KLHL36: variants seen among roughly 807,000 people sequenced by gnomAD.
The protein encoded by KLHL36 is kelch like family member 36.
KLHL36 carries 35 observed loss-of-function variants against 53.3 expected under a neutral mutation model. That is an observed-to-expected ratio of 0.66 (90% confidence interval 0.50 to 0.87). The LOEUF (loss-of-function observed/expected upper bound fraction) is 0.87, where lower values mean the gene tolerates loss of function less well. KLHL36 is among the 40% of genes least tolerant of loss of function. KLHL36 has a pLI of 0.00. For synonymous variants in KLHL36, 472 were observed against 398.9 expected, an observed-to-expected ratio of 1.18 and a Z score of -2.18; for missense variants, 864 against 897.6, an observed-to-expected ratio of 0.96 and a Z score of 0.48.
chr16:84,658,060 G>C (rs112348404), intron 3 of KLHL36, 116 bp downstream of exon 3: 1 of 800,884 alleles, frequency 1.2e-6, no homozygotes, highest in African/African-American at 1.7e-5. Context: ...TTCTGAATGA[G>C]GTGTGATGAT....
rs143104842 is a variant in KLHL36 at position 84,659,455 on chromosome 16, A to C, written c.1138-305A>C. 9.4e-5 allele frequency: 31 copies of C among 329,454 alleles called. No homozygotes were observed. The East Asian group carries it at 1.8e-3, about 20-fold the overall frequency. 20.4% of individuals were successfully genotyped at this position (329,454 alleles called of 1,614,324 possible). ...ATCAGCAATTCTGACCCCTGTGACCACAGAGTTCCCATCCACGCGGCTAAC... is the reference window on the plus strand; with the variant it reads ...ATCAGCAATTCTGACCCCTGTGACCCCAGAGTTCCCATCCACGCGGCTAAC... On this transcript the variant is annotated intron_variant, in intron 3 of 4. Transcript: ENST00000564996.
intron 2 of KLHL36, among the ~76,000 whole-genome samples, chr16:84,652,511 C>CG (rs957138515): frequency 4.6e-5 from 7 of 152,104 alleles, no homozygotes; most frequent in African/African-American, 1.7e-4. Context: ...CCTCGTGACC[C>CG]GCCAGCCTTG....
intron 4 of KLHL36, among the ~76,000 whole-genome samples, chr16:84,660,639 TGA>T (rs1034525258): frequency 3.9e-5 from 6 of 152,150 alleles, no homozygotes; most frequent in Non-Finnish European, 2.9e-5. Flanking sequence ...TTTGTTTTTC[TGA>T]GAGAGAGTCT....
chr16:84,650,742 T>C (rs1009868128), intron 1 of KLHL36, 110 bp from the exon 2 acceptor site: 10 of 751,584 alleles, frequency 1.3e-5, no homozygotes, highest in Non-Finnish European at 2.3e-5. Flanking sequence ...TCCCTCCTTC[T>C]TCCGTGTGAC....
rs572400792 is a variant in KLHL36, at chr16:84,656,622, G to T, written c.64-249G>T. Among the ~76,000 whole-genome samples the T allele has an allele frequency of 1.4e-4, 14 of 102,024 alleles. 1 individual carries two copies. In the East Asian group the frequency reaches 3.9e-3, roughly 29 times the overall value. The allele number at this position is 102,024 out of a possible 152,430, so 66.9% of individuals were successfully genotyped here. A position where few individuals can be genotyped will look rare whatever the true frequency, so the allele number is the denominator to read the frequency against. ...ACTCCAGCCTGGGCGACAGAGCAAG[G>T]CTCTGTGTCAAAAAAAAAAAAAGAA... On this transcript the variant is annotated intron_variant, in intron 2 of 4. Transcript: ENST00000564996.
chr16:84,649,814 A>G (rs925890779), intron 1 of KLHL36, among the ~76,000 whole-genome samples: 11 of 152,198 alleles, frequency 7.2e-5, no homozygotes, highest in African/African-American at 1.7e-4. Context: ...TATTTGTTCA[A>G]TAGGTAACAA....
chr16:84,656,796 C>A, intron 2 of KLHL36, 75 bp from the exon 3 acceptor site: 1 of 997,362 alleles, frequency 1.0e-6, no homozygotes, highest in Non-Finnish European at 1.5e-6. Flanking sequence ...GTTGAAAATG[C>A]TGGTCAGGAC....
chr16:84,662,237 G>GTA lies in KLHL36; in HGVS notation c.*104_*105insTA, dbSNP rs1567562720. 2 of 1,048,694 alleles carry GTA rather than the reference G, an allele frequency of 1.9e-6. No individual in the cohort carries two copies. Among genetic ancestry groups the GTA allele is most frequent in the African/African-American group, 3.2e-5 (2 of 62,290 alleles). 65.0% of individuals were successfully genotyped at this position (1,048,694 alleles called of 1,614,324 possible). A position where few individuals can be genotyped will look rare whatever the true frequency, so the allele number is the denominator to read the frequency against. ...CGGAAACATTATGTACAACTTAGCA[G>GTA]CTTTTTTTACTTTTATGATTCTTGG... is the stretch of plus-strand genomic sequence containing the variant. On this transcript the variant is annotated 3_prime_UTR_variant, in exon 5 of 5. Coordinates refer to ENST00000564996, the MANE Select transcript of KLHL36 (RefSeq NM_024731.4).
chr16:84,654,004 C>G (rs983793548), intron 2 of KLHL36, among the ~76,000 whole-genome samples: 1 of 152,212 alleles, frequency 6.6e-6, no homozygotes, highest in Admixed American at 6.5e-5. Context: ...CAACACTGCT[C>G]TTGCCCCCTG....
Position 84,659,778 on chromosome 16 carries a change from C to T in KLHL36, c.1156C>T (p.Arg386Cys), listed in dbSNP as rs1469217018. 28 of 1,613,982 alleles carry T rather than the reference C, an allele frequency of 1.7e-5. No homozygotes were observed. The highest frequency in any genetic ancestry group is 1.9e-5 in the Non-Finnish European group (22 of 1,180,012). Reference protein sequence around the residue: ...QWIKVASMNQRRVDFYLASIE... With the variant: ...QWIKVASMNQCRVDFYLASIE... ...TCCACAGGTGGCCTCCATGAACCAG[C>T]GCCGTGTGGATTTCTACCTTGCCTC... Residue 386 changes from arginine to cysteine, a missense_variant, in exon 4 of 5, where the codon CGC becomes TGC. Arg to Cys is a radical substitution (Grantham distance 180). Coordinates refer to ENST00000564996, the MANE Select transcript of KLHL36 (RefSeq NM_024731.4).
At position 84,665,254 on chromosome 16, in the gene KLHL36, T is replaced by A. The variant is rs1907775655; in HGVS notation, c.*3121T>A. 6.6e-6 allele frequency: 1 copy of A among 151,984 alleles called. No homozygotes were observed. Among genetic ancestry groups the A allele is most frequent in the South Asian group, 2.1e-4 (1 of 4,820 alleles). 9.4% of individuals were successfully genotyped at this position (151,984 alleles called of 1,614,324 possible). A position where few individuals can be genotyped will look rare whatever the true frequency, so the allele number is the denominator to read the frequency against. On this transcript the variant is annotated 3_prime_UTR_variant, in exon 5 of 5. Transcript: ENST00000564996. ...ATTTTGAAGACACCTGGATCTTTTT[T>A]TTTTTTTAACATTTCAAAATAAGCA... is the stretch of plus-strand genomic sequence containing the variant.
Position 84,665,641 on chromosome 16 carries a change from GACTTCATGGAGACCCAGAA to G in KLHL36, c.*3512_*3530del. ...TGAGTGCCCTCACTCATGATAAGGT[GACTTCATGGAGACCCAGAA>G]ACTCACCCTAAGGGGTGTTCACCTT... On this transcript the variant is annotated 3_prime_UTR_variant, in exon 5 of 5. Transcript: ENST00000564996. 6.6e-6 allele frequency: 1 copy of G among 152,336 alleles called. No homozygotes were observed. The highest frequency in any genetic ancestry group is 2.4e-5 in the African/African-American group (1 of 41,576). The allele number at this position is 152,336 out of a possible 1,614,324, so 9.4% of individuals were successfully genotyped here.
Position 84,657,696 on chromosome 16 carries a change from C to T in KLHL36, c.889C>T (p.Leu297=), listed in dbSNP as rs1228384622. ...GGCGCTGCGCACCAACCAGGAGCGCCTGCTGTTTGTGGGCGGCGAGGTCTC... is the reference window on the plus strand; with the variant it reads ...GGCGCTGCGCACCAACCAGGAGCGCTTGCTGTTTGTGGGCGGCGAGGTCTC... ...RTALRTNQER[L]LFVGGEVSER... Residue 297 remains leucine (L), a synonymous_variant, in exon 3 of 5, where the codon CTG becomes TTG. Transcript: ENST00000564996. 7 of 1,612,772 alleles carry T rather than the reference C, an allele frequency of 4.3e-6. No homozygotes were observed. Among genetic ancestry groups the T allele is most frequent in the Non-Finnish European group, 5.9e-6 (7 of 1,179,826 alleles).
chr16:84,659,479 A>C, intron 3 of KLHL36: 1 of 376,246 alleles, frequency 2.7e-6, no homozygotes, highest in Non-Finnish European at 4.9e-6. Context: ...CACGCGGCTA[A>C]CGACATGACC....
rs866333414 is a variant in KLHL36 at position 84,665,326 on chromosome 16, T to G, written c.*3193T>G. ...TGGACTTCTCTCATTTCTAAAGAAT[T>G]AGAGTTGTAACTTCATATTAGTTGT... On this transcript the variant is annotated 3_prime_UTR_variant, in exon 5 of 5. Transcript: ENST00000564996. 10 of 152,106 alleles carry G rather than the reference T, an allele frequency of 6.6e-5. No individual in the cohort carries two copies. The highest frequency in any genetic ancestry group is 5.9e-5 in the Non-Finnish European group (4 of 68,022). 9.4% of individuals were successfully genotyped at this position (152,106 alleles called of 1,614,324 possible). A position where few individuals can be genotyped will look rare whatever the true frequency, so the allele number is the denominator to read the frequency against.
At position 84,661,431 on chromosome 16, in the gene KLHL36, T is replaced by C; in HGVS notation, c.1296-147T>C. The C allele has an allele frequency of 1.8e-5, 13 of 721,968 alleles. No homozygotes were observed. In the South Asian group the frequency reaches 3.1e-4, roughly 17 times the overall value. 44.7% of individuals were successfully genotyped at this position (721,968 alleles called of 1,614,324 possible). ...CCATTTCTTTGCTAATGACGGCTAC[T>C]GTCTATAGAGTGTTCATGGGGTGCC... On this transcript the variant is annotated intron_variant, in intron 4 of 4. Coordinates refer to ENST00000564996, the MANE Select transcript of KLHL36 (RefSeq NM_024731.4). This position sits in a 1 kb window ranked among gnomAD's most constrained non-coding sequence, Gnocchi z 7.9.
At chr16:84,656,640 AAAAAGAAAG>A (rs1350261834) in intron 2 of KLHL36, among the ~76,000 whole-genome samples, 5 of 150,416 alleles carry the variant, frequency 3.3e-5, no homozygotes, top group Admixed American at 1.3e-4. Context: ...TCAAAAAAAA[AAAAAGAAAG>A]AAAGAAAGAA....
Position 84,661,881 on chromosome 16 carries a change from G to T in KLHL36, c.1599G>T (p.Leu533=). 3.1e-6 allele frequency: 5 copies of T among 1,600,760 alleles called. No homozygotes were observed. The highest frequency in any genetic ancestry group is 3.4e-6 in the Non-Finnish European group (4 of 1,169,994). Residue 533 remains leucine, a synonymous_variant, in exon 5 of 5, where the codon CTG becomes CTT. Coordinates refer to ENST00000564996, the MANE Select transcript of KLHL36 (RefSeq NM_024731.4). This position sits in a 1 kb window ranked among gnomAD's most constrained non-coding sequence, Gnocchi z 7.9. The part of the protein sequence containing the change: ...CNQWTRVAPL[L]HANSESGVAV... ...AGTGGACCCGCGTGGCGCCGCTGCT[G>T]CACGCCAACAGCGAGTCGGGCGTGG...
chr16:84,659,668 C>A, intron 3 of KLHL36, 92 bp from the exon 4 acceptor site: 1 of 1,296,816 alleles, frequency 7.7e-7, no homozygotes, highest in Non-Finnish European at 1.1e-6. Flanking sequence ...CGGGGTTGTG[C>A]ATTCCGCAGA....
Sources: gnomAD v4.1 joint callset for allele counts (sites outside exome capture counted in the v4.1 genomes callset) on GRCh38, gnomAD v4.1.1 for gene constraint, Gnocchi (gnomAD v3.1) non-coding constraint, MANE v1.5 for transcripts, NCBI Gene and HGNC (gene_info 2026-07-23, HGNC 2026-07-21) for gene names.